The following ARFGEF2 variants were observed in gnomAD, a reference collection of about 807,000 sequenced individuals.
The protein encoded by ARFGEF2 is ARF guanine nucleotide exchange factor 2.
In ARFGEF2, 74 loss-of-function variants were observed where a neutral mutation model predicts 219.9. The observed-to-expected ratio is 0.34, with a 90% CI of 0.28 to 0.41. The LOEUF is 0.41. Among genes scored for constraint, ARFGEF2 ranks in the 10% least tolerant of loss-of-function variants. The pLI is 1.00. For synonymous variants in ARFGEF2, 733 were observed against 799.2 expected (o/e 0.92, Z 1.40); for missense variants, 1,743 against 2,218.3 (o/e 0.79, Z 4.30).
intron 1 of ARFGEF2, among the ~76,000 whole-genome samples, chr20:48,926,397 A>C (rs1403725507): frequency 6.6e-6 from 1 of 152,212 alleles, no homozygotes. Flanking sequence ...GGCTAATGGA[A>C]AGAAGGAAAT....
intron 25 of ARFGEF2, among the ~76,000 whole-genome samples, chr20:49,000,717 T>C (rs975219364): frequency 1.3e-5 from 2 of 152,262 alleles, no homozygotes; most frequent in Non-Finnish European, 1.5e-5. Context: ...ATCATTTGGC[T>C]AGCAACTGTG....
intron 18 of ARFGEF2, among the ~76,000 whole-genome samples, chr20:48,988,878 T>A (rs1236809951): frequency 1.3e-5 from 2 of 152,234 alleles, no homozygotes; most frequent in Non-Finnish European, 2.9e-5. Flanking sequence ...AAATTAGTAA[T>A]CTGAGAACTA....
At position 49,011,934 on chromosome 20, in the gene ARFGEF2, C is replaced by T; in HGVS notation, c.3768C>T (p.Phe1256=). 2 of 1,614,192 alleles carry T rather than the reference C, an allele frequency of 1.2e-6. No individual in the cohort carries two copies. Among genetic ancestry groups the T allele is most frequent in the Non-Finnish European group, 1.7e-6 (2 of 1,180,038 alleles). ...CTTGTGTTCCCCCAGCAACTATTTT[C>T]CAGCACCATTTTCCTGCAGCCATCG... ...QTTCHIVTTI[F]QHHFPAAIDS... is the part of the protein sequence containing the mutation. Residue 1256 remains phenylalanine (F), a synonymous_variant, in exon 28 of 39, where the codon TTC becomes TTT. Coordinates refer to ENST00000371917, the MANE Select transcript of ARFGEF2 (RefSeq NM_006420.3).
intron 9 of ARFGEF2, among the ~76,000 whole-genome samples, chr20:48,969,995 C>T (rs2123411635): frequency 6.6e-6 from 1 of 152,356 alleles, no homozygotes; most frequent in African/African-American, 2.4e-5. Context: ...TCATCTATTA[C>T]TAATGCTGCT....
At chr20:48,974,404 G>A (rs1032793853) in intron 12 of ARFGEF2, among the ~76,000 whole-genome samples, 2 of 151,972 alleles carry the variant, frequency 1.3e-5, no homozygotes, top group Non-Finnish European at 2.9e-5. Flanking sequence ...GAGCCACAGC[G>A]CCTGCCCAAG....
chr20:48,971,456 T>A, intron 10 of ARFGEF2, 102 bp downstream of exon 10: 1 of 1,004,172 alleles, frequency 1.0e-6, no homozygotes, highest in Non-Finnish European at 1.5e-6. Flanking sequence ...CACTAAGCAT[T>A]AGGAAAATGG....
intron 4 of ARFGEF2, among the ~76,000 whole-genome samples, chr20:48,951,881 A>G (rs2091073117): frequency 1.3e-5 from 2 of 152,134 alleles, no homozygotes; most frequent in African/African-American, 4.8e-5. Context: ...TGCTTGTCTG[A>G]GAACAGGATC....
intron 25 of ARFGEF2, among the ~76,000 whole-genome samples, chr20:49,002,855 A>G (rs1303000477): frequency 6.6e-6 from 1 of 151,952 alleles, no homozygotes; most frequent in African/African-American, 2.4e-5. Context: ...CACATTGGCC[A>G]GGCTGGTCTT....
Position 48,988,654 on chromosome 20 carries a change from C to T in ARFGEF2, c.2525C>T (p.Thr842Ile). 1 of 1,613,156 alleles carries T rather than the reference C, an allele frequency of 6.2e-7. No individual in the cohort carries two copies. Among genetic ancestry groups the T allele is most frequent in the East Asian group, 2.2e-5 (1 of 44,814 alleles). Reference protein sequence around the residue: ...TKELTIATKSTKQNVASEKQR... With the variant: ...TKELTIATKSIKQNVASEKQR... ...GAGCTAACGATTGCAACCAAATCTA[C>T]TAAGCAGAGTAAGGTCTAATGGCAA... The change falls in exon 18 of 39, where the codon ACT becomes ATT. Residue 842 changes from threonine (T) to isoleucine (I), a missense_variant. Around this residue, in one of 5 missense-constraint regions of ARFGEF2, gnomAD observed 666 missense variants for 955.4 expected, o/e 0.70. Transcript: ENST00000371917.
chr20:48,945,064 T>C (rs2091017601), intron 3 of ARFGEF2, among the ~76,000 whole-genome samples: 1 of 152,072 alleles, frequency 6.6e-6, no homozygotes, highest in Non-Finnish European at 1.5e-5. Flanking sequence ...TCACGTGTCA[T>C]GGAGAGAGAG....
intron 1 of ARFGEF2, among the ~76,000 whole-genome samples, chr20:48,930,135 C>G (rs1245924517): frequency 6.6e-6 from 1 of 152,204 alleles, no homozygotes; most frequent in Non-Finnish European, 1.5e-5. Flanking sequence ...TTATTTGGCT[C>G]ACAGTCCAAG....
chr20:48,968,067 C>G (rs1007206140), intron 8 of ARFGEF2, among the ~76,000 whole-genome samples: 2 of 152,112 alleles, frequency 1.3e-5, no homozygotes, highest in Admixed American at 1.3e-4. Context: ...AATCTTGGCT[C>G]ACTGCAAGCT....
intron 3 of ARFGEF2, among the ~76,000 whole-genome samples, chr20:48,946,780 G>A (rs1600598801): frequency 6.6e-6 from 1 of 151,718 alleles, no homozygotes. Context: ...GATTACAGGC[G>A]TGAGCCACTG....
At chr20:48,937,928 A>G (rs1054245332) in intron 1 of ARFGEF2, among the ~76,000 whole-genome samples, 1 of 152,230 alleles carries the variant, frequency 6.6e-6, no homozygotes, top group Non-Finnish European at 1.5e-5. Flanking sequence ...GTAAAACACC[A>G]GTGTTTTGAA....
intron 1 of ARFGEF2, among the ~76,000 whole-genome samples, chr20:48,934,249 C>G (rs2090932679): frequency 6.6e-6 from 1 of 150,912 alleles, no homozygotes; most frequent in African/African-American, 2.4e-5. Context: ...TGTATCTTTT[C>G]TTTCTGCCAT....
chr20:48,966,856 GTTGT>G (rs961995412), intron 8 of ARFGEF2, among the ~76,000 whole-genome samples: 40 of 152,074 alleles, frequency 2.6e-4, no homozygotes, highest in Admixed American at 1.6e-3. Context: ...TGTTGTTCTT[GTTGT>G]TTGTTTGAGA....
In ARFGEF2 at chr20:48,952,707, T is replaced by C. The variant is rs369527811; in HGVS notation, c.426T>C (p.Ala142=). 4.5e-5 allele frequency: 72 copies of C among 1,614,078 alleles called. No homozygotes were observed. Among genetic ancestry groups the C allele is most frequent in the Non-Finnish European group, 5.8e-5 (68 of 1,180,034 alleles). Residue 142 remains alanine (A), a splice_region_variant and synonymous_variant, in exon 5 of 39, where the codon GCT becomes GCC. Coordinates refer to ENST00000371917, the MANE Select transcript of ARFGEF2 (RefSeq NM_006420.3). Reference sequence around the variant, plus strand: ...AAGGTCGCGGATTTCTATTTTAGGCTCTTCTGACTGCAGTGACTTCCCCAC... The same window carrying C: ...AAGGTCGCGGATTTCTATTTTAGGCCCTTCTGACTGCAGTGACTTCCCCAC... ...DEGVQLQIIK[A]LLTAVTSPHI...
intron 21 of ARFGEF2, among the ~76,000 whole-genome samples, chr20:48,991,495 CTCTTGGGA>C (rs574474310): frequency 1.2e-3 from 176 of 149,732 alleles, no homozygotes; most frequent in African/African-American, 4.1e-3. Context: ...CCTTATGTAC[CTCTTGGGA>C]GCTTGGGAGC....
chr20:48,994,277 C>T (rs1002244929), intron 21 of ARFGEF2, among the ~76,000 whole-genome samples, 174 bp from the exon 22 acceptor site: 1 of 152,078 alleles, frequency 6.6e-6, no homozygotes, highest in African/African-American at 2.4e-5. Context: ...AGGAATCCGC[C>T]GCCCCAGTCA....
Sources: gnomAD v4.1 joint callset for allele counts (sites outside exome capture counted in the v4.1 genomes callset) on GRCh38, gnomAD v4.1.1 for gene constraint, gnomAD v4.1.1 regional missense constraint, MANE v1.5 for transcripts, NCBI Gene and HGNC (gene_info 2026-07-23, HGNC 2026-07-21) for gene names.